Variants in CENPN observed in about 807,000 individuals in gnomAD.
The protein encoded by CENPN is interphase centromere complex protein 32.
CENPN carries 36 observed loss-of-function variants against 48.6 expected under a neutral mutation model. The ratio of observed to expected loss-of-function variants is 0.74; its 90% confidence interval spans 0.57 to 0.98. The LOEUF (loss-of-function observed/expected upper bound fraction) is 0.98. Among genes scored for constraint, CENPN ranks in the 50% least tolerant of loss-of-function variants. The pLI, the probability that CENPN is intolerant of heterozygous loss-of-function variation, is 0.00. For synonymous variants in CENPN, 166 were observed against 135.2 expected (o/e 1.23, Z -1.58); for missense variants, 439 against 399.2 (o/e 1.10, Z -0.85).
At chr16:81,013,657 G>T (rs779330982) in intron 2 of CENPN, among the ~76,000 whole-genome samples, 8 of 152,202 alleles carry the variant, frequency 5.3e-5, no homozygotes, top group Non-Finnish European at 8.8e-5. Context: ...GGAGACAAAG[G>T]TTGCAGTGAG....
intron 9 of CENPN, among the ~76,000 whole-genome samples, chr16:81,027,364 T>C (rs1194425317): frequency 2.0e-5 from 3 of 152,098 alleles, no homozygotes; most frequent in Non-Finnish European, 4.4e-5. Flanking sequence ...GGCATGTGGC[T>C]GTGGTCCCAG....
Position 81,017,825 on chromosome 16 carries a change from AT to A in CENPN, c.347del (p.Leu116Ter). On this transcript the variant is annotated frameshift_variant, in exon 5 of 11. Coordinates refer to ENST00000305850, the MANE Select transcript of CENPN (RefSeq NM_001100624.3). LOFTEE classifies it high-confidence loss of function. ...NSFKKILQRA[L>X]KNVTVSFRET... Reference sequence around the variant, plus strand: ...CGTTCAAGAAAATTCTTCAGAGAGCATTAAAAAATGTAAGAATAAAATTCAT... The same window carrying A: ...CGTTCAAGAAAATTCTTCAGAGAGCATAAAAAATGTAAGAATAAAATTCAT... 6.5e-7 allele frequency: 1 copy of A among 1,537,292 alleles called. No individual in the cohort carries two copies. The highest frequency in any genetic ancestry group is 8.9e-7 in the Non-Finnish European group (1 of 1,122,320).
At chr16:81,028,319 T>A (rs371708815) in intron 10 of CENPN, 22 bp downstream of exon 10, 1 of 1,611,258 alleles carries the variant, frequency 6.2e-7, no homozygotes, top group African/African-American at 1.3e-5. Flanking sequence ...GCTTACTCTA[T>A]AAGCTAGAAA....
intron 1 of CENPN, among the ~76,000 whole-genome samples, chr16:81,010,019 T>G (rs547247046): frequency 6.6e-6 from 1 of 152,238 alleles, no homozygotes; most frequent in Non-Finnish European, 1.5e-5. Context: ...GGCAACATGG[T>G]GAAACCATGT....
Position 81,030,033 on chromosome 16 carries a change from G to A in CENPN, c.*1382G>A, listed in dbSNP as rs1394091541. Among the ~76,000 whole-genome samples the A allele has an allele frequency of 2.0e-5, 3 of 152,156 alleles. No homozygotes were observed. The highest frequency in any genetic ancestry group is 6.6e-5 in the Admixed American group (1 of 15,266). ...GGCGGCAGGCAAGAGAGCTTGTGCAGGGAAACTCCCATTTATAAAACCACC... is the reference window on the plus strand; with the variant it reads ...GGCGGCAGGCAAGAGAGCTTGTGCAAGGAAACTCCCATTTATAAAACCACC... On this transcript the variant is annotated 3_prime_UTR_variant, in exon 11 of 11. Transcript: ENST00000305850.
chr16:81,011,285 G>A (rs1044888803), intron 1 of CENPN, among the ~76,000 whole-genome samples: 2 of 152,040 alleles, frequency 1.3e-5, no homozygotes, highest in East Asian at 1.9e-4. Context: ...GCACTCCCAC[G>A]CTCAACTCAG....
At chr16:81,012,984 G>C (rs1202006806) in intron 2 of CENPN, among the ~76,000 whole-genome samples, 4 of 152,194 alleles carry the variant, frequency 2.6e-5, no homozygotes, top group Non-Finnish European at 5.9e-5. Flanking sequence ...TAGGAGGTAT[G>C]TATAAATATT....
In CENPN at chr16:81,029,091, T is replaced by G; in HGVS notation, c.*440T>G. 1.0e-6 allele frequency: 1 copy of G among 986,096 alleles called. No homozygotes were observed. 61.1% of individuals were successfully genotyped at this position (986,096 alleles called of 1,614,324 possible). On this transcript the variant is annotated 3_prime_UTR_variant, in exon 11 of 11. Coordinates refer to ENST00000305850, the MANE Select transcript of CENPN (RefSeq NM_001100624.3). ...AGAGAGAAGCAACAAGGAACTATAC[T>G]CAACTCAAAACTTTTTAGGAGAATC...
chr16:81,028,814 C>A lies in CENPN; in HGVS notation c.*163C>A. The A allele has an allele frequency of 7.1e-7, 1 of 1,402,970 alleles. No individual in the cohort carries two copies. Among genetic ancestry groups the A allele is most frequent in the East Asian group, 2.7e-5 (1 of 37,260 alleles). 86.9% of individuals were successfully genotyped at this position (1,402,970 alleles called of 1,614,324 possible). ...CATAATTGTTGGGACTGATTCATTC[C>A]TCCACGATATGCCTCCTCTCTCTGA... On this transcript the variant is annotated 3_prime_UTR_variant, in exon 11 of 11. Transcript: ENST00000305850.
At chr16:81,008,329 G>A (rs1173733263) in intron 1 of CENPN, among the ~76,000 whole-genome samples, 1 of 152,072 alleles carries the variant, frequency 6.6e-6, no homozygotes, top group Admixed American at 6.6e-5. Flanking sequence ...TAGGGCCCAG[G>A]AATCTTCATT....
chr16:81,011,072 CCTT>C (rs1362054010), intron 1 of CENPN, among the ~76,000 whole-genome samples: 1 of 152,206 alleles, frequency 6.6e-6, no homozygotes, highest in Non-Finnish European at 1.5e-5. Flanking sequence ...GACCTCACCT[CCTT>C]CTCTATGCCT....
intron 6 of CENPN, among the ~76,000 whole-genome samples, chr16:81,021,208 AT>A (rs1315009801): frequency 2.6e-5 from 4 of 152,238 alleles, no homozygotes; most frequent in African/African-American, 7.2e-5. Flanking sequence ...ATTTGTAACC[AT>A]TTCTCCCACA....
At chr16:81,014,050 G>A (rs1436196634) in intron 2 of CENPN, 86 bp from the exon 3 acceptor site, 7 of 1,102,196 alleles carry the variant, frequency 6.4e-6, no homozygotes, top group African/African-American at 1.5e-5. Flanking sequence ...CTAATAGTCT[G>A]TTCTAACCAA....
chr16:81,020,890 G>A (rs7196960), intron 6 of CENPN, among the ~76,000 whole-genome samples: 39,180 of 151,826 alleles, frequency 0.26, 5,245 homozygotes, highest in East Asian at 0.42. Context: ...AGGAGTTTGA[G>A]ACCAGCCTGG....
chr16:81,017,880 T>A (rs1969999045), intron 5 of CENPN, 46 bp downstream of exon 5: 1 of 1,148,788 alleles, frequency 8.7e-7, no homozygotes, highest in East Asian at 2.4e-5. Context: ...TGTCATGACG[T>A]CTGTGCACTT....
chr16:81,007,704 G>C (rs139214968), intron 1 of CENPN, among the ~76,000 whole-genome samples: 48 of 152,352 alleles, frequency 3.2e-4, no homozygotes, highest in Admixed American at 5.9e-4. Context: ...CAGCAGAGGT[G>C]TGTGGCTACG....
rs1970263096 is a variant in CENPN, at chr16:81,022,511, T to G, written c.532-86T>G. 32 of 1,106,240 alleles carry G rather than the reference T, an allele frequency of 2.9e-5. 1 individual carries two copies. In the South Asian group the frequency reaches 4.4e-4, roughly 15 times the overall value. 68.5% of individuals were successfully genotyped at this position (1,106,240 alleles called of 1,614,324 possible). A position where few individuals can be genotyped will look rare whatever the true frequency, so the allele number is the denominator to read the frequency against. ...CACTTACGGGGAAACTATTCCCTAA[T>G]TGCAGCTCTTACATTTTACTTTGAC... On this transcript the variant is annotated intron_variant, in intron 6 of 10. Transcript: ENST00000305850.
intron 1 of CENPN, among the ~76,000 whole-genome samples, chr16:81,009,330 C>T (rs996744823): frequency 2.6e-5 from 4 of 152,220 alleles, no homozygotes; most frequent in Non-Finnish European, 5.9e-5. Context: ...TGCAAGAAGT[C>T]ACTGGAGAGA....
At chr16:81,020,075 G>A (rs763214634) in intron 5 of CENPN, 25 bp from the exon 6 acceptor site, 10 of 1,444,826 alleles carry the variant, frequency 6.9e-6, no homozygotes, top group Non-Finnish European at 8.2e-6. Context: ...AGGAAATTAA[G>A]CCTTTTTTTT....
Sources: gnomAD v4.1 joint callset for allele counts (sites outside exome capture counted in the v4.1 genomes callset) on GRCh38, gnomAD v4.1.1 for gene constraint, MANE v1.5 for transcripts, NCBI Gene and HGNC (gene_info 2026-07-23, HGNC 2026-07-21) for gene names.